SETBP1: variants seen among roughly 807,000 people sequenced by gnomAD.
SETBP1 encodes the protein SET-binding protein.
Under a neutral mutation model 101.0 loss-of-function variants are expected in SETBP1, and 9 were observed. The ratio of observed to expected loss-of-function variants is 0.09; its 90% CI spans 0.05 to 0.16. The LOEUF is 0.16. Ranked by LOEUF, SETBP1 falls within the 10% of genes least tolerant of loss-of-function variation. The pLI is 1.00. For synonymous variants in SETBP1, 818 were observed against 788.5 expected, an observed-to-expected ratio of 1.04 and a Z score of -0.63; for missense variants, 1,858 against 2,033.8, an observed-to-expected ratio of 0.91 and a Z score of 1.66.
intron 2 of SETBP1, among the ~76,000 whole-genome samples, chr18:44,846,225 T>G (rs1222923206): frequency 6.6e-6 from 1 of 152,234 alleles, no homozygotes; most frequent in African/African-American, 2.4e-5. Flanking sequence ...TATCTAGTTT[T>G]GCTCCTTTAT....
intron 3 of SETBP1, among the ~76,000 whole-genome samples, chr18:44,918,588 C>T (rs2070502259): frequency 6.6e-6 from 1 of 152,200 alleles, no homozygotes; most frequent in African/African-American, 2.4e-5. Flanking sequence ...CTCTGAAATG[C>T]TGAGGACAGG....
chr18:44,944,570 G>A (rs945448540), intron 3 of SETBP1, among the ~76,000 whole-genome samples: 3 of 152,130 alleles, frequency 2.0e-5, no homozygotes, highest in Non-Finnish European at 2.9e-5. Flanking sequence ...TTCTGATACG[G>A]TAATCTAGGA....
In SETBP1 at chr18:44,682,742, G is replaced by A. The variant is rs1443665470; in HGVS notation, c.-173+1721G>A. 2.0e-5 allele frequency among the ~76,000 whole-genome samples: 3 copies of A among 152,188 alleles called. No homozygotes were observed. In the East Asian group the frequency reaches 5.8e-4, roughly 29 times the overall value. On this transcript the variant is annotated intron_variant, in intron 1 of 5. Coordinates refer to ENST00000649279, the MANE Select transcript of SETBP1 (RefSeq NM_015559.3). Reference sequence around the variant, plus strand: ...CAGGGAATGTAGCCCCCAAAGATATGGAGACCAGGTACCCAGAGTGTTGCT... The same window carrying A: ...CAGGGAATGTAGCCCCCAAAGATATAGAGACCAGGTACCCAGAGTGTTGCT...
At chr18:44,712,285 A>T (rs1158293483) in intron 2 of SETBP1, among the ~76,000 whole-genome samples, 2 of 152,250 alleles carry the variant, frequency 1.3e-5, no homozygotes, top group Non-Finnish European at 2.9e-5. Context: ...AAAAGGAGAT[A>T]GAGAGCAGCT....
intron 2 of SETBP1, among the ~76,000 whole-genome samples, chr18:44,742,947 TTCTC>T (rs756180174): frequency 3.8e-4 from 55 of 144,464 alleles, no homozygotes; most frequent in South Asian, 6.8e-4. Flanking sequence ...CTCTCCCTCC[TTCTC>T]TCTCTCTCTC....
In SETBP1 at chr18:44,849,231, C is replaced by T. The variant is rs141413618; in HGVS notation, c.487-19999C>T. On this transcript the variant is annotated intron_variant, in intron 2 of 5. Transcript: ENST00000649279. The stretch of plus-strand genomic sequence containing the variant: ...GGGACCTTTTAGGTAGAGCCTTGTC[C>T]GTGTAATGATATGCCAAAAAGACAG... Among the ~76,000 whole-genome samples, 116 of 152,132 alleles carry T rather than the reference C, an allele frequency of 7.6e-4. 2 individuals carry two copies. The Middle Eastern group carries it at 0.014, about 18-fold the overall frequency.
intron 4 of SETBP1, among the ~76,000 whole-genome samples, chr18:45,008,697 T>C (rs2145366275): frequency 6.6e-6 from 1 of 152,226 alleles, no homozygotes; most frequent in South Asian, 2.1e-4. Context: ...CAAAAATAAA[T>C]CCCAGAACTC....
chr18:44,954,344 A>AAC lies in SETBP1; in HGVS notation c.4000+1005_4000+1006insCA, dbSNP rs1555707977. On this transcript the variant is annotated intron_variant, in intron 4 of 5. Transcript: ENST00000649279. ...TTGCAGAAGCTAAAAAAAAAAAAAA[A>AAC]AAAAAAAAAACAGTTCTTGTGTTCC... Among the ~76,000 whole-genome samples the AAC allele has an allele frequency of 5.4e-3, 808 of 149,856 alleles. 5 individuals are homozygous for AAC. Among genetic ancestry groups the AAC allele is most frequent in the South Asian group, 0.017 (82 of 4,740 alleles).
chr18:44,700,388 A>G (rs1047125654), intron 1 of SETBP1, among the ~76,000 whole-genome samples: 1 of 152,144 alleles, frequency 6.6e-6, no homozygotes. Flanking sequence ...TACTTCATTT[A>G]AGAAACCAGA....
At chr18:44,732,284 G>A (rs1163011469) in intron 2 of SETBP1, among the ~76,000 whole-genome samples, 1 of 152,160 alleles carries the variant, frequency 6.6e-6, no homozygotes, top group African/African-American at 2.4e-5. Context: ...AAGCTGAGCA[G>A]GGCTATGCAA....
chr18:44,743,825 C>T (rs935996068), intron 2 of SETBP1, among the ~76,000 whole-genome samples: 2 of 152,192 alleles, frequency 1.3e-5, no homozygotes, highest in Non-Finnish European at 2.9e-5. Context: ...TGTCTGCTCC[C>T]TTTGCATACT....
chr18:44,825,943 G>C (rs562085994), intron 2 of SETBP1, among the ~76,000 whole-genome samples: 1 of 152,170 alleles, frequency 6.6e-6, no homozygotes, highest in East Asian at 1.9e-4. Flanking sequence ...TCTACACCTC[G>C]ATTTTCTCAT....
chr18:44,929,066 C>G (rs982664054), intron 3 of SETBP1, among the ~76,000 whole-genome samples: 1 of 152,070 alleles, frequency 6.6e-6, no homozygotes, highest in Non-Finnish European at 1.5e-5. Context: ...GGCTTTAGGT[C>G]TAACATTTAA....
intron 4 of SETBP1, among the ~76,000 whole-genome samples, chr18:44,975,370 G>T (rs1599398762): frequency 1.3e-5 from 2 of 152,186 alleles, no homozygotes; most frequent in East Asian, 1.9e-4. Context: ...TCAATTAATT[G>T]CCCTACACTA....
intron 1 of SETBP1, among the ~76,000 whole-genome samples, chr18:44,690,563 G>A (rs1168705992): frequency 1.3e-5 from 2 of 152,234 alleles, no homozygotes; most frequent in African/African-American, 4.8e-5. Context: ...TATAAATGGT[G>A]TGGTGGAGGA....
At chr18:44,985,842 G>T (rs1190018494) in intron 4 of SETBP1, among the ~76,000 whole-genome samples, 1 of 152,208 alleles carries the variant, frequency 6.6e-6, no homozygotes, top group African/African-American at 2.4e-5. Flanking sequence ...AGGGCACAGA[G>T]ATCCTGCAGG....
chr18:44,787,511 G>A (rs1008010384), intron 2 of SETBP1, among the ~76,000 whole-genome samples: 1 of 152,128 alleles, frequency 6.6e-6, no homozygotes, highest in Non-Finnish European at 1.5e-5. Flanking sequence ...AGTTTCTTGG[G>A]GAAGTCAATT....
At chr18:44,989,190 C>T (rs2072302360) in intron 4 of SETBP1, 1 of 152,082 alleles carries the variant, frequency 6.6e-6, no homozygotes, top group South Asian at 2.1e-4. Flanking sequence ...TAAGTAAGCT[C>T]AATATGTTTT....
intron 3 of SETBP1, among the ~76,000 whole-genome samples, chr18:44,898,619 C>T (rs1198010958): frequency 6.6e-6 from 1 of 152,148 alleles, no homozygotes; most frequent in Admixed American, 6.6e-5. Context: ...TCTCTCCCTT[C>T]TCCCAGTCTT....
Sources: allele counts gnomAD v4.1 joint callset (sites outside exome capture counted in the v4.1 genomes callset), GRCh38; gene constraint gnomAD v4.1.1; transcripts MANE v1.5; gene names NCBI Gene and HGNC (gene_info 2026-07-23, HGNC 2026-07-21).